Variants in SPAG16 observed in about 807,000 individuals in gnomAD.
SPAG16 encodes sperm associated antigen 16.
Under a neutral mutation model 80.4 loss-of-function variants are expected in SPAG16, and 86 were observed. That is an observed-to-expected ratio of 1.07 (90% CI 0.90 to 1.28). The LOEUF is 1.28. Among genes scored for constraint, SPAG16 ranks in the 50% most tolerant of loss-of-function variants. The pLI is 0.00. For synonymous variants in SPAG16, 294 were observed against 265.9 expected, an observed-to-expected ratio of 1.11 and a Z score of -1.03; for missense variants, 870 against 765.3, an observed-to-expected ratio of 1.14 and a Z score of -1.61.
chr2:214,326,817 C>T (rs989186729), intron 15 of SPAG16, among the ~76,000 whole-genome samples: 23 of 151,730 alleles, frequency 1.5e-4, no homozygotes, highest in Admixed American at 5.9e-4. Flanking sequence ...TGGTGGCGGG[C>T]GCCTGTGGTC....
At chr2:213,847,908 T>G (rs373130220) in intron 10 of SPAG16, among the ~76,000 whole-genome samples, 1 of 151,818 alleles carries the variant, frequency 6.6e-6, no homozygotes, top group African/African-American at 2.4e-5. Flanking sequence ...AAAAAGTAAC[T>G]GGAGGCAGTG....
rs1251926051 is a variant in SPAG16, at chr2:213,468,450, GAT to G, written c.943-21504_943-21503del. Among the ~76,000 whole-genome samples, 76 of 121,080 alleles carry G rather than the reference GAT, an allele frequency of 6.3e-4. 2 individuals carry two copies. The highest frequency in any genetic ancestry group is 2.3e-3 in the African/African-American group (64 of 28,402). 79.4% of individuals were successfully genotyped at this position (121,080 alleles called of 152,430 possible). A position where few individuals can be genotyped will look rare whatever the true frequency, so the allele number is the denominator to read the frequency against. Reference sequence around the variant, plus strand: ...ATATATATCTATGTATTTATATATAGATATATATATCTCTATGTATTTATATA... The same window carrying G: ...ATATATATCTATGTATTTATATATAGATATATATCTCTATGTATTTATATA... On this transcript the variant is annotated intron_variant, in intron 9 of 15. Transcript: ENST00000331683.
intron 10 of SPAG16, among the ~76,000 whole-genome samples, chr2:213,645,825 C>T (rs2062801536): frequency 6.6e-6 from 1 of 152,142 alleles, no homozygotes; most frequent in African/African-American, 2.4e-5. Context: ...TAAGTGTCAC[C>T]TAAGATTTGT....
intron 15 of SPAG16, among the ~76,000 whole-genome samples, chr2:214,401,906 T>A (rs2126146543): frequency 6.6e-6 from 1 of 152,058 alleles, no homozygotes; most frequent in Middle Eastern, 3.4e-3. Flanking sequence ...ATATTCTGAA[T>A]TTTCTGAACA....
intron 10 of SPAG16, among the ~76,000 whole-genome samples, chr2:213,607,551 G>C (rs16850527): frequency 0.061 from 9,311 of 152,204 alleles, 931 homozygotes; most frequent in African/African-American, 0.21. Context: ...TTATAAAGGA[G>C]AGTGCTAGTA....
intron 10 of SPAG16, among the ~76,000 whole-genome samples, chr2:213,841,714 T>G (rs536942179): frequency 6.6e-6 from 1 of 152,304 alleles, no homozygotes; most frequent in South Asian, 2.1e-4. Context: ...TGTAGACCAA[T>G]TATAGCTGTG....
intron 15 of SPAG16, among the ~76,000 whole-genome samples, chr2:214,224,425 G>T (rs2058654475): frequency 6.6e-6 from 1 of 151,904 alleles, no homozygotes; most frequent in South Asian, 2.1e-4. Context: ...AATTTCTTCA[G>T]TATGTGCAAA....
At chr2:214,314,295 G>C (rs1032751686) in intron 15 of SPAG16, among the ~76,000 whole-genome samples, 3 of 152,170 alleles carry the variant, frequency 2.0e-5, no homozygotes, top group African/African-American at 7.2e-5. Flanking sequence ...TAGCTGCCTA[G>C]TGTTAAAACT....
chr2:213,415,328 T>C (rs974159914), intron 9 of SPAG16, among the ~76,000 whole-genome samples: 3 of 152,232 alleles, frequency 2.0e-5, no homozygotes, highest in African/African-American at 7.2e-5. Flanking sequence ...GAAGCCATGC[T>C]TAGGAATTTA....
intron 9 of SPAG16, among the ~76,000 whole-genome samples, chr2:213,443,598 T>C (rs1253961375): frequency 1.3e-5 from 2 of 152,220 alleles, no homozygotes; most frequent in African/African-American, 2.4e-5. Context: ...TTGTGAATAA[T>C]GCTGAAATGA....
intron 15 of SPAG16, among the ~76,000 whole-genome samples, chr2:214,402,970 G>A (rs1412982505): frequency 6.6e-6 from 1 of 150,532 alleles, no homozygotes; most frequent in African/African-American, 2.4e-5. Flanking sequence ...GATTTTGATA[G>A]ACACATCTCT....
chr2:214,114,497 C>T (rs775397364), intron 14 of SPAG16, among the ~76,000 whole-genome samples: 1 of 152,210 alleles, frequency 6.6e-6, no homozygotes, highest in Non-Finnish European at 1.5e-5. Flanking sequence ...CTACTCAAGC[C>T]TCAGCAATGG....
chr2:214,086,087 A>G (rs1422653267), intron 13 of SPAG16, among the ~76,000 whole-genome samples: 4 of 152,152 alleles, frequency 2.6e-5, no homozygotes, highest in Non-Finnish European at 1.5e-5. Flanking sequence ...TGTACTTTTT[A>G]TATGTGACTT....
At chr2:214,195,399 A>G (rs1576469263) in intron 15 of SPAG16, among the ~76,000 whole-genome samples, 2 of 152,056 alleles carry the variant, frequency 1.3e-5, no homozygotes, top group South Asian at 4.1e-4. Context: ...TTCACATTTT[A>G]CAAAGATTAC....
chr2:214,380,720 T>C (rs1700400944), intron 15 of SPAG16, among the ~76,000 whole-genome samples: 1 of 152,226 alleles, frequency 6.6e-6, no homozygotes, highest in Admixed American at 6.5e-5. Context: ...CAGTTGTGAA[T>C]TTAAATCACA....
At chr2:213,582,864 T>C (rs2060342241) in intron 10 of SPAG16, among the ~76,000 whole-genome samples, 1 of 152,192 alleles carries the variant, frequency 6.6e-6, no homozygotes, top group African/African-American at 2.4e-5. Context: ...TGACTAATTA[T>C]ATAATCAACA....
intron 10 of SPAG16, among the ~76,000 whole-genome samples, chr2:213,524,119 G>A (rs925488378): frequency 4.6e-5 from 7 of 152,166 alleles, no homozygotes; most frequent in Non-Finnish European, 1.0e-4. Flanking sequence ...GCAGCCTAGG[G>A]ACTTGGTGCC....
At chr2:213,339,882 G>T (rs2064583110) in intron 5 of SPAG16, among the ~76,000 whole-genome samples, 1 of 152,030 alleles carries the variant, frequency 6.6e-6, no homozygotes, top group Admixed American at 6.6e-5. Context: ...TTATACTTTG[G>T]ACATGTTCTG....
chr2:213,817,410 C>T (rs1413066614), intron 10 of SPAG16, among the ~76,000 whole-genome samples: 1 of 151,530 alleles, frequency 6.6e-6, no homozygotes, highest in South Asian at 2.1e-4. Flanking sequence ...GTTTAGCCAC[C>T]GTGGACAGAA....
Sources: allele counts gnomAD v4.1 joint callset (sites outside exome capture counted in the v4.1 genomes callset), GRCh38; gene constraint gnomAD v4.1.1; transcripts MANE v1.5; gene names NCBI Gene and HGNC (gene_info 2026-07-23, HGNC 2026-07-21).